PIP5K1A: variants seen among roughly 807,000 people sequenced by gnomAD.
PIP5K1A encodes phosphatidylinositol-4-phosphate 5-kinase type 1 alpha, also known as phosphatidylinositol 4-phosphate 5-kinase type-1 alpha.
Under a neutral mutation model 72.9 loss-of-function variants are expected in PIP5K1A, and 46 were observed. That is an observed-to-expected ratio of 0.63 (90% CI 0.50 to 0.81). The LOEUF (loss-of-function observed/expected upper bound fraction) is 0.81. Ranked by LOEUF, PIP5K1A falls within the 30% of genes least tolerant of loss-of-function variation. The pLI, the probability that PIP5K1A is intolerant of heterozygous loss-of-function variation, is 0.00. For missense variants in PIP5K1A, 458 were observed against 706.1 expected, an observed-to-expected ratio of 0.65 and a Z score of 3.98; for synonymous variants, 228 against 255.1, an observed-to-expected ratio of 0.89 and a Z score of 1.01.
Position 151,199,091 on chromosome 1 carries a change from G to A in PIP5K1A, c.85+10G>A. The A allele has an allele frequency of 6.2e-7, 1 of 1,613,976 alleles. No individual in the cohort carries two copies. Among genetic ancestry groups the A allele is most frequent in the Non-Finnish European group, 8.5e-7 (1 of 1,179,990 alleles). ...TGTACCTTGTCCTCAGGTAAGCCCG[G>A]CAGGGCGTGGGTAGGGAGCTGGTGA... On this transcript the variant is annotated intron_variant, in intron 1 of 15. Coordinates refer to ENST00000368888, the MANE Select transcript of PIP5K1A (RefSeq NM_001135638.2).
chr1:151,221,533 G>A (rs1246606590), intron 1 of PIP5K1A, among the ~76,000 whole-genome samples: 1 of 152,152 alleles, frequency 6.6e-6, no homozygotes, highest in Non-Finnish European at 1.5e-5. Context: ...CCCTTTGAGA[G>A]TTTTGCCTTA....
chr1:151,213,086 G>T (rs1170628018), intron 1 of PIP5K1A, among the ~76,000 whole-genome samples: 1 of 151,924 alleles, frequency 6.6e-6, no homozygotes, highest in Non-Finnish European at 1.5e-5. Flanking sequence ...TAGAGACGGG[G>T]TTTCACTGTG....
intron 1 of PIP5K1A, chr1:151,216,000 G>C (rs1318112780): frequency 7.7e-7 from 1 of 1,295,356 alleles, no homozygotes; most frequent in Admixed American, 2.3e-5. Context: ...TGGTAAGAGA[G>C]GTAGATCTGA....
At chr1:151,207,401 C>T (rs1686086081) in intron 1 of PIP5K1A, among the ~76,000 whole-genome samples, 1 of 151,800 alleles carries the variant, frequency 6.6e-6, no homozygotes, top group Admixed American at 6.6e-5. Flanking sequence ...AACCATGAAA[C>T]TTGTTTGTAG....
intron 5 of PIP5K1A, 28 bp from the exon 6 acceptor site, chr1:151,232,219 GT>G (rs761239521): frequency 6.8e-6 from 10 of 1,475,598 alleles, no homozygotes; most frequent in African/African-American, 1.4e-5. Flanking sequence ...GGACTGGCAA[GT>G]TATGGCTACC....
At chr1:151,196,846 C>T (rs1684592205), upstream of PIP5K1A, among the ~76,000 whole-genome samples, 1 of 144,900 alleles carries the variant, frequency 6.9e-6, no homozygotes, top group African/African-American at 2.6e-5. Context: ...CAGGCGTGAG[C>T]CACTGCGCCC....
chr1:151,246,174 G>A (rs1162897222), intron 14 of PIP5K1A, among the ~76,000 whole-genome samples: 3 of 152,112 alleles, frequency 2.0e-5, no homozygotes, highest in Non-Finnish European at 2.9e-5. Context: ...TTGAACCCGG[G>A]AGGCAGAGGT....
At chr1:151,216,532 G>A (rs587606480) in intron 1 of PIP5K1A, among the ~76,000 whole-genome samples, 1 of 152,080 alleles carries the variant, frequency 6.6e-6, no homozygotes, top group East Asian at 1.9e-4. Context: ...AGTATATTAT[G>A]AATCAGTGAC....
chr1:151,243,789 C>A (rs200402511), intron 14 of PIP5K1A, among the ~76,000 whole-genome samples: 1 of 152,090 alleles, frequency 6.6e-6, no homozygotes, highest in African/African-American at 2.4e-5. Context: ...TCTACTGATA[C>A]AGAAGATTTT....
chr1:151,237,506 A>G (rs955002156), intron 9 of PIP5K1A, among the ~76,000 whole-genome samples: 3 of 152,100 alleles, frequency 2.0e-5, no homozygotes, highest in Non-Finnish European at 2.9e-5. Context: ...ACAAAAACTC[A>G]AAAATTACCT....
rs2101773012 is a variant in PIP5K1A, at chr1:151,198,993, T to C, written c.-4T>C. The C allele has an allele frequency of 6.2e-7, 1 of 1,613,854 alleles. No homozygotes were observed. Among genetic ancestry groups the C allele is most frequent in the Non-Finnish European group, 8.5e-7 (1 of 1,179,780 alleles). ...AGGCCGCTGAGGGGGAGGGGGCTGC[T>C]AAGATGGCGTCGGCCTCCTCCGGGC... is the stretch of plus-strand genomic sequence containing the variant. On this transcript the variant is annotated 5_prime_UTR_variant, in exon 1 of 16. Transcript: ENST00000368888.
rs1300757742 is a variant in PIP5K1A, at chr1:151,246,953, A to G, written c.1674A>G (p.Ser558=). The change falls in exon 15 of 16, where the codon TCA becomes TCG. Residue 558 remains serine, a synonymous_variant. Coordinates refer to ENST00000368888, the MANE Select transcript of PIP5K1A (RefSeq NM_001135638.2). The part of the protein sequence containing the change: ...TTLEKLEVAE[S]EFTH The stretch of plus-strand genomic sequence containing the variant: ...TGGAAAAGCTTGAAGTTGCAGAGTC[A>G]GAGTTCACCCATGTGAGTATCTGGG... 1 of 1,613,480 alleles carries G rather than the reference A, an allele frequency of 6.2e-7. No homozygotes were observed. Among genetic ancestry groups the G allele is most frequent in the South Asian group, 1.1e-5 (1 of 91,058 alleles).
chr1:151,210,120 G>T (rs370342131), intron 1 of PIP5K1A, among the ~76,000 whole-genome samples: 9 of 151,926 alleles, frequency 5.9e-5, no homozygotes, highest in African/African-American at 2.2e-4. Flanking sequence ...CTGACCTCAG[G>T]TGATCTGCCT....
At chr1:151,201,915 A>T (rs1196367769) in intron 1 of PIP5K1A, among the ~76,000 whole-genome samples, 1 of 152,164 alleles carries the variant, frequency 6.6e-6, no homozygotes, top group South Asian at 2.1e-4. Flanking sequence ...TTGATGGACT[A>T]TGGAAAGATT....
intron 8 of PIP5K1A, among the ~76,000 whole-genome samples, chr1:151,235,825 A>C (rs1690762266): frequency 6.6e-6 from 1 of 152,196 alleles, no homozygotes; most frequent in Non-Finnish European, 1.5e-5. Context: ...AAGGGTATGT[A>C]AATAAAGACT....
chr1:151,238,008 T>C (rs1691132226), intron 9 of PIP5K1A, among the ~76,000 whole-genome samples, 174 bp from the exon 10 acceptor site: 1 of 152,108 alleles, frequency 6.6e-6, no homozygotes, highest in African/African-American at 2.4e-5. Flanking sequence ...AAGGATCTCA[T>C]TTTCTCCTGT....
At chr1:151,211,947 A>G (rs1686878679) in intron 1 of PIP5K1A, among the ~76,000 whole-genome samples, 1 of 151,690 alleles carries the variant, frequency 6.6e-6, no homozygotes, top group South Asian at 2.1e-4. Flanking sequence ...ACTAAAAACA[A>G]AAAATAAAAA....
chr1:151,219,309 A>C (rs1326754982), intron 1 of PIP5K1A, among the ~76,000 whole-genome samples: 1 of 149,956 alleles, frequency 6.7e-6, no homozygotes, highest in East Asian at 2.0e-4. Flanking sequence ...TGAGCCCAGG[A>C]GGCAGAGGTT....
At chr1:151,239,429 C>T (rs1019177125) in intron 11 of PIP5K1A, among the ~76,000 whole-genome samples, 1 of 152,004 alleles carries the variant, frequency 6.6e-6, no homozygotes, top group Non-Finnish European at 1.5e-5. Flanking sequence ...CGTGCCACCA[C>T]GCCCAGCTAA....
Sources: gnomAD v4.1 joint callset for allele counts (sites outside exome capture counted in the v4.1 genomes callset) on GRCh38, gnomAD v4.1.1 for gene constraint, MANE v1.5 for transcripts, NCBI Gene and HGNC (gene_info 2026-07-23, HGNC 2026-07-21) for gene names.